DTNBP1: variants seen among roughly 807,000 people sequenced by gnomAD.
The protein encoded by DTNBP1 is dystrobrevin binding protein 1, also known as dysbindin.
In DTNBP1, 35 loss-of-function variants were observed where a neutral mutation model predicts 42.8. The observed-to-expected ratio is 0.82, with a 90% CI of 0.63 to 1.09. DTNBP1 has a LOEUF of 1.09. Ranked by LOEUF, DTNBP1 falls within the 50% of genes least tolerant of loss-of-function variation. The pLI is 0.00. For synonymous variants in DTNBP1, 171 were observed against 162.2 expected (o/e 1.05, Z -0.41); for missense variants, 457 against 424.2 (o/e 1.08, Z -0.68).
chr6:15,585,777 A>G (rs941608528), intron 7 of DTNBP1: 1 of 1,534,262 alleles, frequency 6.5e-7, no homozygotes, highest in East Asian at 2.4e-5. Context: ...TGAGACCTGA[A>G]GGAGTGAACA....
chr6:15,532,309 T>A (rs1437934189), intron 8 of DTNBP1, among the ~76,000 whole-genome samples: 4 of 152,048 alleles, frequency 2.6e-5, no homozygotes, highest in Non-Finnish European at 5.9e-5. Flanking sequence ...GAAGAAGGAG[T>A]TCGGTGTCTG....
At chr6:15,628,264 A>C (rs1759469216) in intron 4 of DTNBP1, among the ~76,000 whole-genome samples, 1 of 152,174 alleles carries the variant, frequency 6.6e-6, no homozygotes, top group African/African-American at 2.4e-5. Context: ...TATCAACATG[A>C]ATAAGCAAGA....
intron 7 of DTNBP1, among the ~76,000 whole-genome samples, chr6:15,554,198 C>T (rs1774381183): frequency 1.3e-5 from 2 of 152,106 alleles, no homozygotes; most frequent in Admixed American, 6.5e-5. Flanking sequence ...CTGAAGGCTC[C>T]CATGTCACAT....
intron 6 of DTNBP1, among the ~76,000 whole-genome samples, chr6:15,610,106 G>A (rs767559473): frequency 2.6e-5 from 4 of 152,158 alleles, no homozygotes; most frequent in Non-Finnish European, 5.9e-5. Context: ...GTCAAGTCTG[G>A]AGCCCCTCAG....
At chr6:15,549,751 A>G (rs542401653) in intron 7 of DTNBP1, among the ~76,000 whole-genome samples, 31 of 152,282 alleles carry the variant, frequency 2.0e-4, no homozygotes, top group Non-Finnish European at 4.1e-4. Flanking sequence ...AGCCTTGTGA[A>G]AAGTTTTAAC....
At chr6:15,589,570 A>G (rs914202899) in intron 7 of DTNBP1, among the ~76,000 whole-genome samples, 3 of 152,150 alleles carry the variant, frequency 2.0e-5, no homozygotes, top group Non-Finnish European at 2.9e-5. Context: ...TAACCAAAGC[A>G]TATTTGTTTT....
At chr6:15,640,884 C>A (rs1173972456) in intron 3 of DTNBP1, among the ~76,000 whole-genome samples, 2 of 152,192 alleles carry the variant, frequency 1.3e-5, no homozygotes, top group African/African-American at 4.8e-5. Context: ...ACCACCCCAA[C>A]CCCTGGACAG....
intron 3 of DTNBP1, among the ~76,000 whole-genome samples, chr6:15,642,363 G>A (rs1760419435): frequency 6.6e-6 from 1 of 152,098 alleles, no homozygotes; most frequent in Admixed American, 6.5e-5. Context: ...ACAGAATGAG[G>A]AGTGGGTGTA....
chr6:15,574,218 AGG>A (rs1775467965), intron 7 of DTNBP1, among the ~76,000 whole-genome samples: 1 of 152,248 alleles, frequency 6.6e-6, no homozygotes, highest in African/African-American at 2.4e-5. Flanking sequence ...GCACTGGCTG[AGG>A]GCCTACTGTG....
At position 15,662,921 on chromosome 6, in the gene DTNBP1, G is replaced by T; in HGVS notation, c.-52C>A. The T allele has an allele frequency of 6.3e-7, 1 of 1,598,490 alleles. No homozygotes were observed. Among genetic ancestry groups the T allele is most frequent in the Non-Finnish European group, 8.5e-7 (1 of 1,178,172 alleles). On this transcript the variant is annotated 5_prime_UTR_variant, in exon 1 of 10. Transcript: ENST00000344537. ...CAGGCCTCGGGCTGCTGCTGCCTCTGTCGCCCCCTGGGTCCCACGCCGCCA... is the reference window on the plus strand; with the variant it reads ...CAGGCCTCGGGCTGCTGCTGCCTCTTTCGCCCCCTGGGTCCCACGCCGCCA...
chr6:15,655,174 T>G (rs1761214190), intron 1 of DTNBP1, among the ~76,000 whole-genome samples: 1 of 152,038 alleles, frequency 6.6e-6, no homozygotes, highest in Non-Finnish European at 1.5e-5. Flanking sequence ...CAGACTGGAG[T>G]GCAATGGAGC....
At chr6:15,594,497 C>A (rs940919330) in intron 6 of DTNBP1, among the ~76,000 whole-genome samples, 19 of 149,564 alleles carry the variant, frequency 1.3e-4, no homozygotes, top group Non-Finnish European at 1.6e-4. Context: ...AACAAAAAAA[C>A]AAAAACAAAA....
intron 1 of DTNBP1, among the ~76,000 whole-genome samples, chr6:15,659,738 G>A (rs1761493425): frequency 6.6e-6 from 1 of 151,940 alleles, no homozygotes; most frequent in Non-Finnish European, 1.5e-5. Context: ...TTTTTTAGTG[G>A]AGACGGGGTT....
intron 7 of DTNBP1, among the ~76,000 whole-genome samples, chr6:15,564,278 T>C (rs1774969273): frequency 6.6e-6 from 1 of 151,862 alleles, no homozygotes; most frequent in Non-Finnish European, 1.5e-5. Context: ...AAAATGAAAA[T>C]GCACAAGTTG....
At chr6:15,523,813 G>A in intron 9 of DTNBP1, 1 of 1,287,230 alleles carries the variant, frequency 7.8e-7, no homozygotes, top group Non-Finnish European at 1.0e-6. Flanking sequence ...TCCCCAGGAT[G>A]ACACCGTTCT....
chr6:15,630,392 A>T (rs1052254500), intron 4 of DTNBP1, among the ~76,000 whole-genome samples: 2 of 152,238 alleles, frequency 1.3e-5, no homozygotes, highest in African/African-American at 4.8e-5. Flanking sequence ...ACTTTCTGAC[A>T]GTGAAACAGT....
At chr6:15,561,040 G>C (rs529377574) in intron 7 of DTNBP1, among the ~76,000 whole-genome samples, 1 of 152,190 alleles carries the variant, frequency 6.6e-6, no homozygotes, top group African/African-American at 2.4e-5. Flanking sequence ...AGACTGGAGA[G>C]AGAAAAACTA....
chr6:15,534,670 A>G (rs1719357176), intron 7 of DTNBP1, among the ~76,000 whole-genome samples: 1 of 151,572 alleles, frequency 6.6e-6, no homozygotes, highest in South Asian at 2.1e-4. Context: ...AAAAAAAAAA[A>G]AAAAAAAAAG....
chr6:15,577,843 C>T (rs1037226766), intron 7 of DTNBP1, among the ~76,000 whole-genome samples: 7 of 152,116 alleles, frequency 4.6e-5, no homozygotes, highest in African/African-American at 7.2e-5. Flanking sequence ...TCAACATCTC[C>T]GGTGGGAAGG....
Sources: allele counts gnomAD v4.1 joint callset (sites outside exome capture counted in the v4.1 genomes callset), GRCh38; gene constraint gnomAD v4.1.1; transcripts MANE v1.5; gene names NCBI Gene and HGNC (gene_info 2026-07-23, HGNC 2026-07-21).